Variants in MIGA1 observed in about 807,000 individuals in gnomAD.
MIGA1 encodes the protein family with sequence similarity 73, member A.
MIGA1 carries 58 observed loss-of-function variants against 82.0 expected under a neutral mutation model. The observed-to-expected ratio is 0.71, with a 90% CI of 0.57 to 0.88. The LOEUF (loss-of-function observed/expected upper bound fraction) is 0.88. Among genes scored for constraint, MIGA1 ranks in the 40% least tolerant of loss-of-function variants. The pLI is 0.00. For synonymous variants in MIGA1, 249 were observed against 253.6 expected, an observed-to-expected ratio of 0.98 and a Z score of 0.17; for missense variants, 751 against 749.1, an observed-to-expected ratio of 1.00 and a Z score of -0.03.
In MIGA1 at chr1:77,878,853, T is replaced by G. The variant is rs980202926; in HGVS notation, c.*3789T>G. ...ACAGTAAGCTCCAAAGAACTTTGTC[T>G]TTCTCATAAAGTAATATTCTTTATT... On this transcript the variant is annotated 3_prime_UTR_variant, in exon 16 of 16. Transcript: ENST00000370791. The G allele has an allele frequency of 1.3e-5, 5 of 375,292 alleles. No individual in the cohort carries two copies. Among genetic ancestry groups the G allele is most frequent in the African/African-American group, 1.0e-4 (5 of 48,262 alleles). 23.2% of individuals were successfully genotyped at this position (375,292 alleles called of 1,614,324 possible). A position where few individuals can be genotyped will look rare whatever the true frequency, so the allele number is the denominator to read the frequency against.
chr1:77,815,974 C>T (rs1208899322), intron 7 of MIGA1, among the ~76,000 whole-genome samples: 2 of 152,072 alleles, frequency 1.3e-5, no homozygotes, highest in Admixed American at 6.6e-5. Flanking sequence ...GAGTTTCACT[C>T]ACTCTGTCAC....
intron 4 of MIGA1, among the ~76,000 whole-genome samples, chr1:77,804,389 T>C (rs1683005427): frequency 6.6e-6 from 1 of 152,188 alleles, no homozygotes; most frequent in Non-Finnish European, 1.5e-5. Flanking sequence ...AGGTAGAATA[T>C]GTACCTGCTA....
intron 14 of MIGA1, among the ~76,000 whole-genome samples, chr1:77,868,077 A>G (rs1332008185): frequency 1.3e-5 from 2 of 152,198 alleles, no homozygotes; most frequent in Admixed American, 6.5e-5. Flanking sequence ...TGCCTACTTA[A>G]TAGGACTGCG....
chr1:77,789,201 C>CTTT lies in MIGA1; in HGVS notation c.195+5868_195+5870dup, dbSNP rs148055304. On this transcript the variant is annotated intron_variant, in intron 2 of 15. Transcript: ENST00000370791. The stretch of plus-strand genomic sequence containing the variant: ...TAAATGGAATTGTGGGGGGCGGTTG[C>CTTT]TTTTTTTTTTTTTTTTTTTTCTTTG... Among the ~76,000 whole-genome samples, 51 of 108,828 alleles carry CTTT rather than the reference C, an allele frequency of 4.7e-4. 2 individuals are homozygous for CTTT. The highest frequency in any genetic ancestry group is 1.4e-3 in the African/African-American group (39 of 28,434). 71.4% of individuals were successfully genotyped at this position (108,828 alleles called of 152,430 possible).
Position 77,827,043 on chromosome 1 carries a change from G to A in MIGA1, c.895+11812G>A, listed in dbSNP as rs187441645. 2.5e-3 allele frequency among the ~76,000 whole-genome samples: 385 copies of A among 152,094 alleles called. 2 individuals are homozygous for A. The highest frequency in any genetic ancestry group is 0.015 in the South Asian group (72 of 4,824). On this transcript the variant is annotated intron_variant, in intron 7 of 15. Transcript: ENST00000370791. ...GCTGGTCTCAAGCTCCTGACCTCAG[G>A]TGATCCACTCAGCTGGGCCTCCCAA...
intron 12 of MIGA1, among the ~76,000 whole-genome samples, chr1:77,862,896 G>A (rs1440665042): frequency 2.7e-5 from 4 of 150,080 alleles, no homozygotes; most frequent in African/African-American, 4.9e-5. Flanking sequence ...AGCCGAGATC[G>A]TGCCAGTGCA....
intron 2 of MIGA1, among the ~76,000 whole-genome samples, chr1:77,796,445 T>C (rs1364791710): frequency 6.6e-6 from 1 of 151,188 alleles, no homozygotes; most frequent in African/African-American, 2.4e-5. Context: ...TTTTAAGAGA[T>C]GGAGTCTCAC....
At position 77,801,394 on chromosome 1, in the gene MIGA1, A is replaced by G. The variant is rs374261295; in HGVS notation, c.259A>G (p.Ile87Val). The G allele has an allele frequency of 3.0e-5, 49 of 1,606,896 alleles. No homozygotes were observed. The highest frequency in any genetic ancestry group is 3.8e-5 in the Non-Finnish European group (45 of 1,178,734). Residue 87 changes from isoleucine to valine, a missense_variant, in exon 3 of 16, where the codon ATT (isoleucine) becomes GTT (valine). This residue lies in a region of MIGA1 where 482 missense variants were observed against 439.4 expected (regional missense o/e 1.10). Coordinates refer to ENST00000370791, the MANE Select transcript of MIGA1 (RefSeq NM_198549.4). ...AACTGCAGTGAGTGCTATATCTGTA[A>G]TTTTTCTGGCTCATCACTTTAAAAG... is the stretch of plus-strand genomic sequence containing the variant.
intron 7 of MIGA1, among the ~76,000 whole-genome samples, chr1:77,831,177 T>A (rs1180271592): frequency 6.6e-6 from 1 of 152,184 alleles, no homozygotes; most frequent in Non-Finnish European, 1.5e-5. Context: ...TTGGGACATA[T>A]GGGTTAATTC....
chr1:77,810,744 A>G (rs545286243), intron 5 of MIGA1: 4 of 1,132,038 alleles, frequency 3.5e-6, no homozygotes, highest in African/African-American at 1.6e-5. Flanking sequence ...CGTCCGGCCT[A>G]CTGGTCTGGG....
chr1:77,875,451 C>T lies in MIGA1; in HGVS notation c.*387C>T, dbSNP rs1259291380. 5.8e-6 allele frequency: 1 copy of T among 173,002 alleles called. No homozygotes were observed. Among genetic ancestry groups the T allele is most frequent in the Non-Finnish European group, 1.2e-5 (1 of 80,972 alleles). 10.7% of individuals were successfully genotyped at this position (173,002 alleles called of 1,614,324 possible). ...CTTTAGCCAAGGTCTTTGTGGCCCA[C>T]ACATGCAAGAATATATTACTTCTAA... On this transcript the variant is annotated 3_prime_UTR_variant, in exon 16 of 16. Transcript: ENST00000370791.
chr1:77,849,397 A>G (rs1482579571), intron 8 of MIGA1, among the ~76,000 whole-genome samples: 2 of 152,146 alleles, frequency 1.3e-5, no homozygotes, highest in Non-Finnish European at 1.5e-5. Context: ...CCTGTCTCTA[A>G]AAAAAACCTT....
At chr1:77,826,982 T>C (rs926450831) in intron 7 of MIGA1, among the ~76,000 whole-genome samples, 25 of 150,102 alleles carry the variant, frequency 1.7e-4, no homozygotes, top group Admixed American at 6.6e-5. Context: ...TTTTTTTGTA[T>C]ATTTAGCTGA....
At chr1:77,836,050 G>A (rs1294851452) in intron 7 of MIGA1, among the ~76,000 whole-genome samples, 1 of 152,140 alleles carries the variant, frequency 6.6e-6, no homozygotes, top group Non-Finnish European at 1.5e-5. Flanking sequence ...GTAAGTATAT[G>A]ATAGGCTCTC....
At chr1:77,822,046 C>T (rs1683834048) in intron 7 of MIGA1, among the ~76,000 whole-genome samples, 1 of 152,064 alleles carries the variant, frequency 6.6e-6, no homozygotes, top group Admixed American at 6.6e-5. Context: ...ACACCACACA[C>T]ACACATACAC....
rs756012641 is a variant in MIGA1, at chr1:77,803,257, GTTTA to G, written c.374-9_374-6del. The G allele has an allele frequency of 2.8e-6, 4 of 1,431,806 alleles. No individual in the cohort carries two copies. The highest frequency in any genetic ancestry group is 3.7e-6 in the Non-Finnish European group (4 of 1,081,380). 88.7% of individuals were successfully genotyped at this position (1,431,806 alleles called of 1,614,324 possible). ...TTATTGATATTTTTAATATTAGTAT[GTTTA>G]TTTGATAGGTTCAAGTTGTTCCAGT... On this transcript the variant is annotated splice_polypyrimidine_tract_variant and intron_variant, in intron 3 of 15. Transcript: ENST00000370791.
At chr1:77,806,316 G>T (rs998464469) in intron 4 of MIGA1, among the ~76,000 whole-genome samples, 2 of 152,184 alleles carry the variant, frequency 1.3e-5, no homozygotes, top group African/African-American at 4.8e-5. Context: ...CGGTAGGGTT[G>T]ACTGTTGTAT....
intron 11 of MIGA1, chr1:77,860,333 A>G (rs1685416423): frequency 3.9e-6 from 2 of 510,686 alleles, no homozygotes; most frequent in Non-Finnish European, 6.9e-6. Context: ...CCAGTTTGCC[A>G]TAAACTCTGT....
In MIGA1 at chr1:77,859,079, G is replaced by T. The variant is rs1034407150; in HGVS notation, c.1115+23G>T. ...GAGGTACCATTTCAGTTTTGTTTAT[G>T]TTTATGAAGGATATTAAGGTGTTTG... On this transcript the variant is annotated intron_variant, in intron 9 of 15. Coordinates refer to ENST00000370791, the MANE Select transcript of MIGA1 (RefSeq NM_198549.4). 2.2e-6 allele frequency: 3 copies of T among 1,380,260 alleles called. No individual in the cohort carries two copies. The South Asian group carries it at 3.5e-5, about 16-fold the overall frequency. 85.5% of individuals were successfully genotyped at this position (1,380,260 alleles called of 1,614,324 possible).
Sources: allele counts gnomAD v4.1 joint callset (sites outside exome capture counted in the v4.1 genomes callset), GRCh38; gene constraint gnomAD v4.1.1; regional missense constraint gnomAD v4.1.1; transcripts MANE v1.5; gene names NCBI Gene and HGNC (gene_info 2026-07-23, HGNC 2026-07-21).